Variants in NT5DC1 observed in about 807,000 individuals in gnomAD.
NT5DC1 encodes 5'-nucleotidase domain containing 1.
In NT5DC1, 42 loss-of-function variants were observed where a neutral mutation model predicts 59.4. That is an observed-to-expected ratio of 0.71 (90% CI 0.55 to 0.92). NT5DC1 has a LOEUF of 0.92. NT5DC1 is among the 40% of genes least tolerant of loss of function. The pLI, the probability that NT5DC1 is intolerant of heterozygous loss-of-function variation, is 0.00. For synonymous variants in NT5DC1, 172 were observed against 188.1 expected (o/e 0.91, Z 0.70); for missense variants, 501 against 537.1 (o/e 0.93, Z 0.66).
At chr6:116,196,560 AT>A (rs1468876393) in intron 6 of NT5DC1, among the ~76,000 whole-genome samples, 3 of 152,058 alleles carry the variant, frequency 2.0e-5, no homozygotes, top group Non-Finnish European at 4.4e-5. Flanking sequence ...TACTCAAACT[AT>A]TTGGATGTTA....
chr6:116,176,111 G>A (rs772279814), intron 6 of NT5DC1, among the ~76,000 whole-genome samples: 3 of 152,206 alleles, frequency 2.0e-5, no homozygotes, highest in Non-Finnish European at 4.4e-5. Context: ...AATCAGTCTA[G>A]TCAGCAGCTT....
At chr6:116,168,439 G>C (rs989600170) in intron 6 of NT5DC1, among the ~76,000 whole-genome samples, 3 of 151,724 alleles carry the variant, frequency 2.0e-5, no homozygotes, top group Admixed American at 2.0e-4. Flanking sequence ...ATTCCATTTA[G>C]TTCTTTTTCT....
chr6:116,131,275 A>C (rs1239528224), intron 6 of NT5DC1, among the ~76,000 whole-genome samples: 1 of 152,212 alleles, frequency 6.6e-6, no homozygotes, highest in African/African-American at 2.4e-5. Context: ...AATTTATAAA[A>C]CAAGGAATAT....
intron 6 of NT5DC1, chr6:116,125,201 CT>C (rs1339341611): frequency 6.8e-6 from 6 of 885,056 alleles, no homozygotes; most frequent in Non-Finnish European, 8.7e-6. Flanking sequence ...TCACAGATCA[CT>C]TTGTTGTAAT....
At chr6:116,102,123 T>C (rs1778671041) in intron 1 of NT5DC1, among the ~76,000 whole-genome samples, 1 of 152,228 alleles carries the variant, frequency 6.6e-6, no homozygotes, top group Admixed American at 6.5e-5. Context: ...GCTTTTATGG[T>C]TACCACCCAA....
At chr6:116,222,903 T>C in intron 7 of NT5DC1, 131 bp from the exon 8 acceptor site, 1 of 587,050 alleles carries the variant, frequency 1.7e-6, no homozygotes, top group Non-Finnish European at 3.0e-6. Context: ...GAGAAAAATA[T>C]AAAGCATGTA....
At chr6:116,201,887 A>G (rs1781355967) in intron 6 of NT5DC1, among the ~76,000 whole-genome samples, 1 of 152,000 alleles carries the variant, frequency 6.6e-6, no homozygotes, top group Non-Finnish European at 1.5e-5. Context: ...TTTGCTTATT[A>G]TTTGGATCCA....
chr6:116,118,713 C>G (rs1265884224), intron 6 of NT5DC1, among the ~76,000 whole-genome samples: 1 of 152,176 alleles, frequency 6.6e-6, no homozygotes, highest in African/African-American at 2.4e-5. Flanking sequence ...TTCTCTGTCA[C>G]CTGCTTCTTT....
At chr6:116,197,106 C>T (rs1278060414) in intron 6 of NT5DC1, among the ~76,000 whole-genome samples, 1 of 151,864 alleles carries the variant, frequency 6.6e-6, no homozygotes, top group African/African-American at 2.4e-5. Context: ...TGTCCACCCC[C>T]ACCTCCTTTC....
chr6:116,117,834 TTG>T, intron 5 of NT5DC1, 25 bp from the exon 6 acceptor site: 2 of 1,291,552 alleles, frequency 1.5e-6, no homozygotes, highest in Non-Finnish European at 1.1e-6. Context: ...ATTATTGTGT[TTG>T]TTTCATTTGG....
chr6:116,185,578 A>G (rs1051630597), intron 6 of NT5DC1, among the ~76,000 whole-genome samples: 1 of 152,038 alleles, frequency 6.6e-6, no homozygotes, highest in East Asian at 1.9e-4. Context: ...TAAGATTGTG[A>G]TGTTTTTCTG....
chr6:116,211,185 T>C (rs890483804), intron 6 of NT5DC1, among the ~76,000 whole-genome samples: 4 of 152,040 alleles, frequency 2.6e-5, no homozygotes, highest in Non-Finnish European at 5.9e-5. Context: ...AGATGTTTGT[T>C]TCACCAGCTC....
At chr6:116,128,950 T>C (rs146971759) in intron 6 of NT5DC1, among the ~76,000 whole-genome samples, 515 of 152,286 alleles carry the variant, frequency 3.4e-3, no homozygotes, top group African/African-American at 0.011. Flanking sequence ...TCTTTTATAG[T>C]AGTGAGAATA....
chr6:116,102,268 A>G (rs1219557591), intron 1 of NT5DC1, among the ~76,000 whole-genome samples: 1 of 152,238 alleles, frequency 6.6e-6, no homozygotes, highest in Non-Finnish European at 1.5e-5. Context: ...AGGTCAAAAA[A>G]GAGTGGCTGC....
At chr6:116,138,949 G>C (rs1286026561) in intron 6 of NT5DC1, among the ~76,000 whole-genome samples, 2 of 152,044 alleles carry the variant, frequency 1.3e-5, no homozygotes, top group Non-Finnish European at 2.9e-5. Context: ...TGCATTATTA[G>C]TTTTGTGACC....
rs1402724335 is a variant in NT5DC1 at position 116,199,689 on chromosome 6, G to A, written c.530-21365G>A. On this transcript the variant is annotated intron_variant, in intron 6 of 11. Transcript: ENST00000319550. ...ATGCTTTTTAAAAATTACAATGATG[G>A]AGGTGTGTAAAAGGGACACAGGAAT... Among the ~76,000 whole-genome samples the A allele has an allele frequency of 4.6e-5, 7 of 151,974 alleles. No homozygotes were observed. The East Asian group carries it at 1.4e-3, about 30-fold the overall frequency.
chr6:116,243,830 A>G, intron 11 of NT5DC1, 79 bp from the exon 12 acceptor site: 2 of 587,434 alleles, frequency 3.4e-6, no homozygotes, highest in African/African-American at 1.9e-5. Context: ...AAGTTTTATT[A>G]GTGAATATCA....
chr6:116,248,995 A>G lies in NT5DC1; in HGVS notation c.*4971A>G, dbSNP rs910304664. ...TTAGACTAAAGCAGATAATAAACCA[A>G]GTGTAGGAAAAATGACATTTTCTGA... On this transcript the variant is annotated 3_prime_UTR_variant, in exon 12 of 12. Coordinates refer to ENST00000319550, the MANE Select transcript of NT5DC1 (RefSeq NM_152729.3). The G allele has an allele frequency of 3.9e-4, 60 of 152,256 alleles. No individual in the cohort carries two copies. The highest frequency in any genetic ancestry group is 1.4e-3 in the African/African-American group (59 of 41,590). The allele number at this position is 152,256 out of a possible 1,614,324, so 9.4% of individuals were successfully genotyped here.
chr6:116,112,064 C>T (rs570484521), intron 4 of NT5DC1, among the ~76,000 whole-genome samples: 2 of 152,210 alleles, frequency 1.3e-5, no homozygotes, highest in Non-Finnish European at 2.9e-5. Context: ...GCTAAAAGAG[C>T]ATTCACTCAG....
Sources: gnomAD v4.1 joint callset for allele counts (sites outside exome capture counted in the v4.1 genomes callset) on GRCh38, gnomAD v4.1.1 for gene constraint, MANE v1.5 for transcripts, NCBI Gene and HGNC (gene_info 2026-07-23, HGNC 2026-07-21) for gene names.